TBX3: variants seen among roughly 807,000 people sequenced by gnomAD.
TBX3 encodes the protein T-box transcription factor TBX3.
In TBX3, 11 loss-of-function variants were observed where a neutral mutation model predicts 47.8. The observed-to-expected ratio is 0.23, with a 90% CI of 0.14 to 0.38. TBX3 has a LOEUF of 0.38. TBX3 is among the 10% of genes least tolerant of loss of function. The pLI, the probability that TBX3 is intolerant of heterozygous loss-of-function variation, is 1.00. For synonymous variants in TBX3, 500 were observed against 449.3 expected (o/e 1.11, Z -1.43); for missense variants, 927 against 1,022.8 (o/e 0.91, Z 1.28).
rs1052275592 is a variant in TBX3, at chr12:114,684,161, A to C, written c.-961T>G. 9 of 229,084 alleles carry C rather than the reference A, an allele frequency of 3.9e-5. No homozygotes were observed. In the East Asian group the frequency reaches 5.6e-4, roughly 14 times the overall value. The allele number at this position is 229,084 out of a possible 1,614,324, so 14.2% of individuals were successfully genotyped here. ...CTCGCCACCCTCCGCCGCCTCTAGA[A>C]TTCACCGGGCGTCTGCTCGGCGGCT... is the stretch of plus-strand genomic sequence containing the variant. On this transcript the variant is annotated 5_prime_UTR_variant, in exon 1 of 7. Transcript: ENST00000349155.
chr12:114,674,942 G>C, intron 5 of TBX3, 107 bp from the exon 6 acceptor site: 1 of 1,433,630 alleles, frequency 7.0e-7, no homozygotes, highest in Non-Finnish European at 9.5e-7. Context: ...CTTAGTGGCT[G>C]TGTAATCCCG....
At position 114,672,214 on chromosome 12, in the gene TBX3, G is replaced by C; in HGVS notation, c.1799C>G (p.Ser600Cys). 6.4e-7 allele frequency: 1 copy of C among 1,573,246 alleles called. No homozygotes were observed. The highest frequency in any genetic ancestry group is 8.6e-7 in the Non-Finnish European group (1 of 1,160,094). The change falls in exon 7 of 7, where the codon TCC becomes TGC. Residue 600 changes from serine (S) to cysteine (C), a missense_variant. Ser to Cys is a moderately radical substitution (Grantham distance 112, BLOSUM62 -1). Around this residue, in one of 5 missense-constraint regions of TBX3, gnomAD observed 623 missense variants for 569.0 expected, o/e 1.09. Coordinates refer to ENST00000349155, the MANE Select transcript of TBX3 (RefSeq NM_005996.4). ...GAAGGGGTGGCGGTGCACCGAGCTG[G>C]AGGCTGCCGCAGAGGAGGCGGCCGC... The part of the protein sequence containing the change: ...AAAAASSAAA[S>C]SSVHRHPFLN...
intron 2 of TBX3, 95 bp downstream of exon 2, chr12:114,680,783 AG>A (rs1320294863): frequency 3.9e-6 from 6 of 1,554,200 alleles, no homozygotes; most frequent in Non-Finnish European, 5.3e-6. Context: ...GGAGAAGCAA[AG>A]GAGAAGTCTG....
intron 5 of TBX3, 144 bp from the exon 6 acceptor site, chr12:114,674,979 CT>C: frequency 9.3e-7 from 1 of 1,078,242 alleles, no homozygotes; most frequent in Non-Finnish European, 1.4e-6. Flanking sequence ...CTCTCTGCAC[CT>C]CAGTGTTGTC....
chr12:114,681,954 A>G (rs1340613489), intron 1 of TBX3, among the ~76,000 whole-genome samples: 2 of 152,214 alleles, frequency 1.3e-5, no homozygotes, highest in African/African-American at 4.8e-5. Flanking sequence ...TTAGCTTGGA[A>G]GGAGACAGAA....
In TBX3 at chr12:114,674,426, G is replaced by A. The variant is rs752403004; in HGVS notation, c.1449C>T (p.Phe483=). The change falls in exon 6 of 7, where the codon TTC becomes TTT. Residue 483 remains phenylalanine (F), a synonymous_variant. Coordinates refer to ENST00000349155, the MANE Select transcript of TBX3 (RefSeq NM_005996.4). The stretch of plus-strand genomic sequence containing the variant: ...ACTGTTGGCCCGCCAGGCCCGGGGC[G>A]AAGCCGAGGCCAGGCAGGGGGCCCT... The part of the protein sequence containing the change: ...LAQGPLPGLG[F]APGLAGQQFF... The A allele has an allele frequency of 4.3e-5, 67 of 1,549,096 alleles. No individual in the cohort carries two copies. The South Asian group carries it at 6.0e-4, about 14-fold the overall frequency.
chr12:114,674,752 T>C lies in TBX3; in HGVS notation c.1123A>G (p.Ile375Val), dbSNP rs1323302982. 2 of 1,593,512 alleles carry C rather than the reference T, an allele frequency of 1.3e-6. No homozygotes were observed. The highest frequency in any genetic ancestry group is 1.7e-6 in the Non-Finnish European group (2 of 1,174,580). Residue 375 changes from isoleucine to valine, a missense_variant, in exon 6 of 7, where the codon ATC (isoleucine) becomes GTC (valine). Physicochemically the swap from Ile to Val is conservative, Grantham distance 29. Around this residue, in one of 5 missense-constraint regions of TBX3, gnomAD observed 623 missense variants for 569.0 expected, o/e 1.09. Coordinates refer to ENST00000349155, the MANE Select transcript of TBX3 (RefSeq NM_005996.4). ...GGCTCCTCCGACGTGGTGGTGGAGATCTTGGCCGCGTCGCAGGCCTCGGGG... is the reference window on the plus strand; with the variant it reads ...GGCTCCTCCGACGTGGTGGTGGAGACCTTGGCCGCGTCGCAGGCCTCGGGG... ...HGPEACDAAKISTTTSEEPCR... is the reference protein window; with the variant it reads ...HGPEACDAAKVSTTTSEEPCR...
At position 114,680,907 on chromosome 12, in the gene TBX3, G is replaced by C. The variant is rs1868898647; in HGVS notation, c.629C>G (p.Thr210Ser). ...TCCATGTTTGTCTGAAATGTTGTTG[G>C]TGAGTTTCAGTTTGTGGAAAGTGAC... is the stretch of plus-strand genomic sequence containing the variant. Reference protein sequence around the residue: ...KVVTFHKLKLTNNISDKHGFT... With the variant: ...KVVTFHKLKLSNNISDKHGFT... Residue 210 changes from threonine (T) to serine (S), a missense_variant, in exon 2 of 7, where the codon ACC becomes AGC. Coordinates refer to ENST00000349155, the MANE Select transcript of TBX3 (RefSeq NM_005996.4). 6.2e-7 allele frequency: 1 copy of C among 1,613,996 alleles called. No individual in the cohort carries two copies. The highest frequency in any genetic ancestry group is 8.5e-7 in the Non-Finnish European group (1 of 1,180,036).
rs201388921 is a variant in TBX3, at chr12:114,683,030, C to T, written c.171G>A (p.Pro57=). The part of the protein sequence containing the change: ...PPNGAAALSL[P]GALAKPIMDQ... Reference sequence around the variant, plus strand: ...CCATGATCGGCTTGGCCAGGGCGCCCGGCAGCGAGAGCGCCGCCGCGCCGT... The same window carrying T: ...CCATGATCGGCTTGGCCAGGGCGCCTGGCAGCGAGAGCGCCGCCGCGCCGT... The change falls in exon 1 of 7, where the codon CCG becomes CCA. Residue 57 remains proline (P), a synonymous_variant. Transcript: ENST00000349155. The surrounding 1 kb of genome is among the most constrained non-coding windows in gnomAD (Gnocchi z 7.7). 1.5e-3 allele frequency: 2,471 copies of T among 1,608,736 alleles called. 4 individuals carry two copies. Among genetic ancestry groups the T allele is most frequent in the Non-Finnish European group, 1.9e-3 (2,293 of 1,176,498 alleles).
At position 114,676,419 on chromosome 12, in the gene TBX3, C is replaced by T; in HGVS notation, c.933G>A (p.Lys311=). ...SMRVFDERHK[K]ENGTSDESSS... is the part of the protein sequence containing the mutation. ...AGGACTCATCAGAGGTCCCATTCTC[C>T]TTTTTGTGTCTTTCATCAAACACCC... is the stretch of plus-strand genomic sequence containing the variant. The change falls in exon 5 of 7, where the codon AAG becomes AAA. Residue 311 remains lysine (K), a synonymous_variant. Transcript: ENST00000349155. 6.2e-7 allele frequency: 1 copy of T among 1,614,240 alleles called. No individual in the cohort carries two copies. The highest frequency in any genetic ancestry group is 8.5e-7 in the Non-Finnish European group (1 of 1,180,032).
chr12:114,678,931 A>G (rs919514587), intron 3 of TBX3, among the ~76,000 whole-genome samples: 13 of 152,006 alleles, frequency 8.6e-5, no homozygotes, highest in African/African-American at 2.9e-4. Context: ...AACTCGATTA[A>G]TATGACCCTG....
Position 114,674,083 on chromosome 12 carries a change from C to G in TBX3, c.1710+82G>C, listed in dbSNP as rs894810921. 1.6e-5 allele frequency: 25 copies of G among 1,518,552 alleles called. No homozygotes were observed. In the Admixed American group the frequency reaches 4.8e-4, roughly 29 times the overall value. The allele number at this position is 1,518,552 out of a possible 1,614,324, so 94.1% of individuals were successfully genotyped here. ...ATTACAGCTACTAGGCCAAAGGGATCGGGTGAGGGTCTGCTGGCAAAGGAC... is the reference window on the plus strand; with the variant it reads ...ATTACAGCTACTAGGCCAAAGGGATGGGGTGAGGGTCTGCTGGCAAAGGAC... On this transcript the variant is annotated intron_variant, in intron 6 of 6. Coordinates refer to ENST00000349155, the MANE Select transcript of TBX3 (RefSeq NM_005996.4).
In TBX3 at chr12:114,682,924, T is replaced by C. The variant is rs1869002818; in HGVS notation, c.277A>G (p.Met93Val). ...TCCTCCACCTCTTCTTCGGGCTCCA[T>C]GGTCTTCAAAGGCCTCAGATGCGCC... ...PQAHLRPLKT[M>V]EPEEEVEDDP... is the part of the protein sequence containing the mutation. The change falls in exon 1 of 7, where the codon ATG (methionine) becomes GTG (valine). Residue 93 changes from methionine to valine, a missense_variant. This residue lies in a region of TBX3 where 216 missense variants were observed against 281.2 expected (regional missense o/e 0.77). Transcript: ENST00000349155. 2.5e-6 allele frequency: 4 copies of C among 1,613,968 alleles called. No individual in the cohort carries two copies. The highest frequency in any genetic ancestry group is 1.1e-5 in the South Asian group (1 of 91,070).
chr12:114,671,925 C>T lies in TBX3; in HGVS notation c.2088G>A (p.Ala696=), dbSNP rs965462879. 6.3e-6 allele frequency: 10 copies of T among 1,588,252 alleles called. No individual in the cohort carries two copies. Among genetic ancestry groups the T allele is most frequent in the African/African-American group, 1.3e-5 (1 of 74,394 alleles). Residue 696 remains alanine (A), a synonymous_variant, in exon 7 of 7, where the codon GCG becomes GCA. Coordinates refer to ENST00000349155, the MANE Select transcript of TBX3 (RefSeq NM_005996.4). ...GGATGCTCTGCAGTTCGCTGGTGGC[C>T]GCCTCTTTCTCCGCGCAGAGTTTGG... ...LSPKLCAEKE[A]ATSELQSIQR...
rs1440126149 is a variant in TBX3, at chr12:114,674,557, C to G, written c.1318G>C (p.Glu440Gln). The G allele has an allele frequency of 1.9e-6, 3 of 1,560,158 alleles. No homozygotes were observed. The highest frequency in any genetic ancestry group is 1.7e-6 in the Non-Finnish European group (2 of 1,156,958). The change falls in exon 6 of 7, where the codon GAG (glutamate) becomes CAG (glutamine). Residue 440 changes from glutamate to glutamine, a missense_variant. By Grantham distance (29) the Glu-to-Gln change is conservative (BLOSUM62 2). Coordinates refer to ENST00000349155, the MANE Select transcript of TBX3 (RefSeq NM_005996.4). The stretch of plus-strand genomic sequence containing the variant: ...TCCACCTTGGCCGGCGCTGTGCCCT[C>G]GCGAACCGGGCTCCTGCGCTCCTCC... ...GAEERRSPVR[E>Q]GTAPAKVEEA...
In TBX3 at chr12:114,671,924, C is replaced by A. The variant is rs2121374887; in HGVS notation, c.2089G>T (p.Ala697Ser). 1 of 1,587,662 alleles carries A rather than the reference C, an allele frequency of 6.3e-7. No homozygotes were observed. Among genetic ancestry groups the A allele is most frequent in the Non-Finnish European group, 8.6e-7 (1 of 1,167,150 alleles). ...SPKLCAEKEA[A>S]TSELQSIQRL... is the part of the protein sequence containing the mutation. ...TGGATGCTCTGCAGTTCGCTGGTGG[C>A]CGCCTCTTTCTCCGCGCAGAGTTTG... Residue 697 changes from alanine (A) to serine (S), a missense_variant, in exon 7 of 7, where the codon GCC becomes TCC. By Grantham distance (99) the Ala-to-Ser change is moderately conservative. This residue lies in a region of TBX3 where 623 missense variants were observed against 569.0 expected (regional missense o/e 1.09). Coordinates refer to ENST00000349155, the MANE Select transcript of TBX3 (RefSeq NM_005996.4).
At position 114,671,989 on chromosome 12, in the gene TBX3, C is replaced by A. The variant is rs772126133; in HGVS notation, c.2024G>T (p.Arg675Leu). Reference protein sequence around the residue: ...AVDSGSELNSRSSTLSSSSMS... With the variant: ...AVDSGSELNSLSSTLSSSSMS... The stretch of plus-strand genomic sequence containing the variant: ...GGAGCTGGAGGAGAGCGTGGAGGAG[C>A]GGCTGTTGAGTTCAGAGCCCGAGTC... Residue 675 changes from arginine (R) to leucine (L), a missense_variant, in exon 7 of 7, where the codon CGC becomes CTC. Arg to Leu is a moderately radical substitution (Grantham distance 102). Transcript: ENST00000349155. The A allele has an allele frequency of 1.9e-6, 3 of 1,600,726 alleles. No homozygotes were observed. The highest frequency in any genetic ancestry group is 2.3e-5 in the South Asian group (2 of 88,736).
chr12:114,684,071 G>GGAGAGGGAGA lies in TBX3; in HGVS notation c.-872_-871insTCTCCCTCTC, dbSNP rs1555208538. 2 of 220,170 alleles carry GGAGAGGGAGA rather than the reference G, an allele frequency of 9.1e-6. No individual in the cohort carries two copies. Among genetic ancestry groups the GGAGAGGGAGA allele is most frequent in the Non-Finnish European group, 8.9e-6 (1 of 111,812 alleles). 13.6% of individuals were successfully genotyped at this position (220,170 alleles called of 1,614,324 possible). A position where few individuals can be genotyped will look rare whatever the true frequency, so the allele number is the denominator to read the frequency against. ...TGGAACAGAGGGAAAGAGAGGGAGG[G>GGAGAGGGAGA]GAGAGAGAGAGAGAGAGAGAGAGAC... On this transcript the variant is annotated 5_prime_UTR_variant, in exon 1 of 7. Coordinates refer to ENST00000349155, the MANE Select transcript of TBX3 (RefSeq NM_005996.4).
intron 3 of TBX3, 126 bp downstream of exon 3, chr12:114,679,379 C>A: frequency 3.6e-6 from 5 of 1,372,990 alleles, no homozygotes; most frequent in Non-Finnish European, 5.1e-6. Flanking sequence ...AAATGCTCCA[C>A]AAATCACAAA....
Sources: gnomAD v4.1 joint callset for allele counts (sites outside exome capture counted in the v4.1 genomes callset) on GRCh38, gnomAD v4.1.1 for gene constraint, gnomAD v4.1.1 regional missense constraint, Gnocchi (gnomAD v3.1) non-coding constraint, MANE v1.5 for transcripts, NCBI Gene and HGNC (gene_info 2026-07-23, HGNC 2026-07-21) for gene names.